Variants in KIF26B observed in about 807,000 individuals in gnomAD.
KIF26B encodes the protein kinesin family member 26B.
A neutral mutation model predicts 151.2 loss-of-function variants in KIF26B; 63 were observed. That is an observed-to-expected ratio of 0.42 (90% CI 0.34 to 0.51). The LOEUF (loss-of-function observed/expected upper bound fraction) is 0.51. KIF26B is among the 20% of genes least tolerant of loss of function. The probability of loss-of-function intolerance (pLI) is 0.07; values close to 1 mark genes in which losing one functional copy is unlikely to be tolerated. For synonymous variants in KIF26B, 1,357 were observed against 1,262.1 expected, an observed-to-expected ratio of 1.08 and a Z score of -1.59; for missense variants, 2,813 against 2,913.6, an observed-to-expected ratio of 0.97 and a Z score of 0.79.
intron 2 of KIF26B, among the ~76,000 whole-genome samples, chr1:245,335,986 TCCCACGCAGGGAAAGGAGAG>T (rs1672220869): frequency 1.2e-5 from 1 of 85,550 alleles, no homozygotes; most frequent in African/African-American, 5.7e-5. Context: ...GAAAGGAGGG[TCCCACGCAGGGAAAGGAGAG>T]TCCCACGCAG....
intron 4 of KIF26B, among the ~76,000 whole-genome samples, chr1:245,475,930 C>T (rs917442982): frequency 1.3e-5 from 2 of 151,892 alleles, no homozygotes; most frequent in African/African-American, 2.4e-5. Flanking sequence ...GAACTGAAAA[C>T]ATACATCCAC....
At chr1:245,600,267 T>A (rs57935542) in intron 5 of KIF26B, among the ~76,000 whole-genome samples, 1 of 132,836 alleles carries the variant, frequency 7.5e-6, no homozygotes, top group Non-Finnish European at 1.7e-5. Context: ...CTCTATCTCC[T>A]GACCTTGTGA....
At chr1:245,696,704 G>A (rs943394979) in intron 12 of KIF26B, among the ~76,000 whole-genome samples, 2 of 152,206 alleles carry the variant, frequency 1.3e-5, no homozygotes, top group Non-Finnish European at 2.9e-5. Context: ...ACAGACATTT[G>A]CTTTATTCCC....
At position 245,572,330 on chromosome 1, in the gene KIF26B, A is replaced by G. The variant is rs2043073556; in HGVS notation, c.1351-30247A>G. Among the ~76,000 whole-genome samples the G allele has an allele frequency of 1.3e-5, 2 of 152,148 alleles. No individual in the cohort carries two copies. Among genetic ancestry groups the G allele is most frequent in the South Asian group, 4.1e-4 (2 of 4,824 alleles). On this transcript the variant is annotated intron_variant, in intron 5 of 14. Coordinates refer to ENST00000407071, the MANE Select transcript of KIF26B (RefSeq NM_018012.4). This position sits in a 1 kb window ranked among gnomAD's most constrained non-coding sequence, Gnocchi z 4.2. ...TGCTTTTGTGTTTCCGACACTGAGG[A>G]CATTGAGGTTCTGGGGGATTCATCA...
At chr1:245,590,106 T>C (rs927512197) in intron 5 of KIF26B, among the ~76,000 whole-genome samples, 3 of 128,394 alleles carry the variant, frequency 2.3e-5, no homozygotes, top group African/African-American at 9.0e-5. Context: ...GCCGCCTCTG[T>C]GGCGGCTGGG....
At chr1:245,600,806 A>T (rs1048590634) in intron 5 of KIF26B, among the ~76,000 whole-genome samples, 1 of 152,150 alleles carries the variant, frequency 6.6e-6, no homozygotes, top group African/African-American at 2.4e-5. Context: ...GAGTTTGCAC[A>T]GCCGCCCATA....
At chr1:245,475,628 T>A (rs1660018715) in intron 4 of KIF26B, among the ~76,000 whole-genome samples, 1 of 151,848 alleles carries the variant, frequency 6.6e-6, no homozygotes, top group Non-Finnish European at 1.5e-5. Context: ...CGGTGGCCAA[T>A]AAGCACACGA....
At chr1:245,192,806 C>T (rs1297041634) in intron 2 of KIF26B, among the ~76,000 whole-genome samples, 1 of 152,202 alleles carries the variant, frequency 6.6e-6, no homozygotes, top group Non-Finnish European at 1.5e-5. Context: ...GGTGCGTGTG[C>T]AGGTGCACGT....
Position 245,495,913 on chromosome 1 carries a change from G to A in KIF26B, c.1167-44854G>A, listed in dbSNP as rs1167985106. On this transcript the variant is annotated intron_variant, in intron 4 of 14. Transcript: ENST00000407071. The surrounding 1 kb of genome is among the most constrained non-coding windows in gnomAD (Gnocchi z 4.2). ...AATGGATGCCAAGAGACAATGGAAC[G>A]TCATATTCATGGGTTGAAAGAATGT... 3.3e-5 allele frequency among the ~76,000 whole-genome samples: 5 copies of A among 152,190 alleles called. No individual in the cohort carries two copies. Among genetic ancestry groups the A allele is most frequent in the African/African-American group, 9.7e-5 (4 of 41,444 alleles).
Position 245,170,809 on chromosome 1 carries a change from G to A in KIF26B, c.465+14126G>A, listed in dbSNP as rs1463276576. Among the ~76,000 whole-genome samples, 1 of 152,194 alleles carries A rather than the reference G, an allele frequency of 6.6e-6. No individual in the cohort carries two copies. The highest frequency in any genetic ancestry group is 1.5e-5 in the Non-Finnish European group (1 of 68,026). ...CACTTTGGGGGTTAGGTTTCAACAT[G>A]ATTTTGGGGAGAACATAAGCGTTCA... On this transcript the variant is annotated intron_variant, in intron 2 of 14. Coordinates refer to ENST00000407071, the MANE Select transcript of KIF26B (RefSeq NM_018012.4). The surrounding 1 kb of genome is among the most constrained non-coding windows in gnomAD (Gnocchi z 4.4).
At position 245,694,205 on chromosome 1, in the gene KIF26B, C is replaced by G. The variant is rs138223162; in HGVS notation, c.5825-3901C>G. ...TGCCTTTTCAGCTAAAACATGACAGCAGGCCACACAGCCAGCATCGTTCTT... is the reference window on the plus strand; with the variant it reads ...TGCCTTTTCAGCTAAAACATGACAGGAGGCCACACAGCCAGCATCGTTCTT... On this transcript the variant is annotated intron_variant, in intron 12 of 14. Transcript: ENST00000407071. Among the ~76,000 whole-genome samples the G allele has an allele frequency of 5.2e-3, 791 of 152,334 alleles. 2 individuals are homozygous for G. Among genetic ancestry groups the G allele is most frequent in the Non-Finnish European group, 8.7e-3 (592 of 68,034 alleles).
At chr1:245,254,079 G>A (rs1034995359) in intron 2 of KIF26B, among the ~76,000 whole-genome samples, 2 of 151,958 alleles carry the variant, frequency 1.3e-5, no homozygotes, top group African/African-American at 4.8e-5. Context: ...CAAAGTGCTG[G>A]GATTACAGGC....
chr1:245,390,944 A>C (rs892092362), intron 3 of KIF26B, among the ~76,000 whole-genome samples: 5 of 121,002 alleles, frequency 4.1e-5, no homozygotes, highest in African/African-American at 9.7e-5. Flanking sequence ...AAAAAAAAAA[A>C]AAAAAAAACC....
At chr1:245,270,628 T>C (rs779108384) in intron 2 of KIF26B, among the ~76,000 whole-genome samples, 4 of 152,168 alleles carry the variant, frequency 2.6e-5, no homozygotes, top group Non-Finnish European at 5.9e-5. Context: ...TTTATTTGCT[T>C]TTGCTATTGA....
At chr1:245,188,248 C>T (rs1291216052) in intron 2 of KIF26B, among the ~76,000 whole-genome samples, 1 of 127,340 alleles carries the variant, frequency 7.9e-6, no homozygotes, top group Non-Finnish European at 1.6e-5. Flanking sequence ...CCATTGCACT[C>T]CAGTCTGGGC....
intron 5 of KIF26B, among the ~76,000 whole-genome samples, chr1:245,577,023 A>G (rs1433005024): frequency 6.6e-6 from 1 of 152,210 alleles, no homozygotes; most frequent in African/African-American, 2.4e-5. Context: ...TCTCAGCATC[A>G]TTTATGTTAT....
chr1:245,647,450 A>T (rs1205023709), intron 10 of KIF26B, among the ~76,000 whole-genome samples: 1 of 150,664 alleles, frequency 6.6e-6, no homozygotes, highest in Admixed American at 6.6e-5. Flanking sequence ...AAAAGAAAAA[A>T]AAGAAAATTT....
intron 2 of KIF26B, among the ~76,000 whole-genome samples, chr1:245,240,509 A>G (rs1670196073): frequency 1.3e-5 from 2 of 152,218 alleles, no homozygotes; most frequent in South Asian, 4.1e-4. Flanking sequence ...ATGTACAGAC[A>G]TACGAGTGTG....
intron 5 of KIF26B, among the ~76,000 whole-genome samples, chr1:245,548,888 C>A (rs1361834359): frequency 6.6e-6 from 1 of 152,106 alleles, no homozygotes; most frequent in Non-Finnish European, 1.5e-5. Flanking sequence ...AGATTACAGG[C>A]ACCCGCCACC....
Sources: allele counts gnomAD v4.1 joint callset (sites outside exome capture counted in the v4.1 genomes callset), GRCh38; gene constraint gnomAD v4.1.1; non-coding constraint Gnocchi (gnomAD v3.1); transcripts MANE v1.5; gene names NCBI Gene and HGNC (gene_info 2026-07-23, HGNC 2026-07-21).